Variants in CIMIP1 observed in about 807,000 individuals in gnomAD.
The protein encoded by CIMIP1 is ciliary microtubule inner protein 1, also known as low in lung cancer 1.
At chr20:58,157,639 T>C in the CIMIP1 span, among the ~76,000 whole-genome samples, 1 of 152,130 alleles carries the variant, frequency 6.6e-6, no homozygotes, top group Non-Finnish European at 1.5e-5. Context: ...CATAATTTAT[T>C]TAACCATCCC....
At chr20:58,150,977 C>T in the CIMIP1 span, 1 of 1,607,630 alleles carries the variant, frequency 6.2e-7, no homozygotes, top group Non-Finnish European at 8.5e-7. Flanking sequence ...GGCGCAGAAA[C>T]CTCTCAGCAC....
chr20:58,155,405 C>G, the CIMIP1 span: 1 of 1,336,882 alleles, frequency 7.5e-7, no homozygotes, highest in Non-Finnish European at 1.1e-6. Flanking sequence ...TCTGGGGATT[C>G]TGTTTCAGTA....
chr20:58,151,648 C>T, the CIMIP1 span, among the ~76,000 whole-genome samples: 1 of 152,028 alleles, frequency 6.6e-6, no homozygotes, highest in Non-Finnish European at 1.5e-5. Flanking sequence ...TTCCTGACGT[C>T]GTGATCCACC....
chr20:58,154,298 T>G, the CIMIP1 span, among the ~76,000 whole-genome samples: 1 of 152,286 alleles, frequency 6.6e-6, no homozygotes, highest in South Asian at 2.1e-4. Flanking sequence ...CCCAGCCAAG[T>G]GAAACCATAT....
the CIMIP1 span, among the ~76,000 whole-genome samples, chr20:58,157,110 C>G: frequency 6.6e-6 from 1 of 152,160 alleles, no homozygotes; most frequent in Admixed American, 6.5e-5. Flanking sequence ...CACATATAGG[C>G]TCTTACCCAT....
the CIMIP1 span, chr20:58,153,771 C>T: frequency 9.4e-6 from 6 of 638,354 alleles, no homozygotes; most frequent in South Asian, 4.1e-5. Context: ...AGGTTCCCGC[C>T]TTTCACAGAT....
chr20:58,156,427 C>T, the CIMIP1 span, among the ~76,000 whole-genome samples: 1 of 151,748 alleles, frequency 6.6e-6, no homozygotes, highest in Non-Finnish European at 1.5e-5. Flanking sequence ...CAAGGCGATG[C>T]GACAGGAGCT....
At chr20:58,151,985 C>A in the CIMIP1 span, among the ~76,000 whole-genome samples, 304 of 152,254 alleles carry the variant, frequency 2.0e-3, 6 homozygotes, top group Non-Finnish European at 1.4e-3. Context: ...AACAATAAAA[C>A]ATACTTGTTT....
At chr20:58,154,623 T>G in the CIMIP1 span, among the ~76,000 whole-genome samples, 1 of 152,272 alleles carries the variant, frequency 6.6e-6, no homozygotes, top group South Asian at 2.1e-4. Context: ...AGTTTGAAAT[T>G]TTATGCATAG....
At chr20:58,151,715 AT>A in the CIMIP1 span, among the ~76,000 whole-genome samples, 5 of 151,788 alleles carry the variant, frequency 3.3e-5, no homozygotes, top group African/African-American at 7.2e-5. Context: ...GCCTGGCCAA[AT>A]TTTTTTTTAA....
the CIMIP1 span, chr20:58,160,812 G>T: frequency 2.5e-6 from 4 of 1,612,160 alleles, no homozygotes; most frequent in Non-Finnish European, 3.4e-6. Flanking sequence ...CCCAAGCAGG[G>T]CGTGCACTGA....
At chr20:58,158,256 G>A in the CIMIP1 span, among the ~76,000 whole-genome samples, 4 of 152,194 alleles carry the variant, frequency 2.6e-5, no homozygotes, top group African/African-American at 9.7e-5. Context: ...ACACTCACCA[G>A]ACAGAGCCTG....
chr20:58,159,802 C>T, the CIMIP1 span, among the ~76,000 whole-genome samples: 2 of 152,164 alleles, frequency 1.3e-5, no homozygotes, highest in South Asian at 4.1e-4. Flanking sequence ...TTGTTGATGA[C>T]CCGCCCTACA....
At chr20:58,159,846 A>C in the CIMIP1 span, among the ~76,000 whole-genome samples, 2 of 152,326 alleles carry the variant, frequency 1.3e-5, no homozygotes, top group East Asian at 3.9e-4. Context: ...TTAGGAGTTC[A>C]TCAAGAACAT....
At chr20:58,156,213 G>A in the CIMIP1 span, among the ~76,000 whole-genome samples, 5 of 152,314 alleles carry the variant, frequency 3.3e-5, no homozygotes, top group African/African-American at 1.2e-4. Context: ...ATTTGGATAC[G>A]CTATGCTAGC....
At chr20:58,159,394 T>C in the CIMIP1 span, among the ~76,000 whole-genome samples, 1 of 151,848 alleles carries the variant, frequency 6.6e-6, no homozygotes, top group Non-Finnish European at 1.5e-5. Flanking sequence ...CACTTACCTG[T>C]AATCCCAGCC....
chr20:58,150,932 G>T, the CIMIP1 span: 2 of 1,584,700 alleles, frequency 1.3e-6, no homozygotes, highest in Non-Finnish European at 1.7e-6. Context: ...CCCAGGGCCA[G>T]AGCTTGCGGG....
chr20:58,152,807 G>A, the CIMIP1 span, among the ~76,000 whole-genome samples: 13 of 149,426 alleles, frequency 8.7e-5, no homozygotes, highest in Admixed American at 2.0e-4. Context: ...TTCAAATTGT[G>A]TATGCAGCTC....
the CIMIP1 span, chr20:58,151,152 A>G: frequency 1.1e-6 from 1 of 926,718 alleles, no homozygotes; most frequent in Non-Finnish European, 1.7e-6. Flanking sequence ...CGAGGGGCAG[A>G]GGGGCGTGCG....
Sources: gnomAD v4.1 joint callset for allele counts (sites outside exome capture counted in the v4.1 genomes callset) on GRCh38, gnomAD v4.1.1 for gene constraint, MANE v1.5 for transcripts, NCBI Gene and HGNC (gene_info 2026-07-23, HGNC 2026-07-21) for gene names.